GPC5: variants seen among roughly 807,000 people sequenced by gnomAD.
GPC5 encodes the protein glypican-5.
Under a neutral mutation model 53.9 loss-of-function variants are expected in GPC5, and 47 were observed. The ratio of observed to expected loss-of-function variants is 0.87; its 90% CI spans 0.69 to 1.11. The LOEUF is 1.11. Among genes scored for constraint, GPC5 ranks in the 50% most tolerant of loss-of-function variants. The probability of loss-of-function intolerance (pLI) is 0.00; values close to 1 mark genes in which losing one functional copy is unlikely to be tolerated. For missense variants in GPC5, 748 were observed against 713.1 expected (o/e 1.05, Z -0.56); for synonymous variants, 286 against 263.3 (o/e 1.09, Z -0.84).
At chr13:92,032,362 A>T (rs2040859262) in intron 6 of GPC5, among the ~76,000 whole-genome samples, 1 of 151,620 alleles carries the variant, frequency 6.6e-6, no homozygotes, top group African/African-American at 2.4e-5. Context: ...TGGATGCACC[A>T]AAATCTTAGA....
At chr13:92,569,972 G>T (rs976573115) in intron 7 of GPC5, among the ~76,000 whole-genome samples, 2 of 151,862 alleles carry the variant, frequency 1.3e-5, no homozygotes, top group Admixed American at 1.3e-4. Context: ...TTTAATTCTT[G>T]TCCTCGTTTG....
chr13:92,557,342 T>C (rs1431589241), intron 7 of GPC5, among the ~76,000 whole-genome samples: 4 of 152,104 alleles, frequency 2.6e-5, no homozygotes, highest in Non-Finnish European at 5.9e-5. Context: ...GATTCTTTAG[T>C]AGGAGTTTGG....
At chr13:91,983,644 G>A (rs909287934) in intron 6 of GPC5, among the ~76,000 whole-genome samples, 4 of 152,146 alleles carry the variant, frequency 2.6e-5, no homozygotes, top group Non-Finnish European at 5.9e-5. Context: ...TCAAATTGCA[G>A]CATTTTCTAA....
chr13:92,533,988 A>G (rs1475652634), intron 7 of GPC5, among the ~76,000 whole-genome samples: 2 of 152,166 alleles, frequency 1.3e-5, no homozygotes, highest in African/African-American at 4.8e-5. Context: ...GGGCGCTGAT[A>G]CTAAATGACA....
intron 7 of GPC5, among the ~76,000 whole-genome samples, chr13:92,516,216 C>T (rs1049400182): frequency 1.3e-5 from 2 of 151,300 alleles, no homozygotes; most frequent in African/African-American, 4.9e-5. Context: ...GCACTGAGTA[C>T]TGTGGGAGAA....
chr13:92,666,308 T>C (rs750916784), intron 7 of GPC5, among the ~76,000 whole-genome samples: 1 of 152,158 alleles, frequency 6.6e-6, no homozygotes, highest in Non-Finnish European at 1.5e-5. Context: ...TTGTAAATGA[T>C]ACATAGCCAC....
chr13:91,644,484 C>G (rs543684010), intron 2 of GPC5, among the ~76,000 whole-genome samples: 1 of 152,158 alleles, frequency 6.6e-6, no homozygotes, highest in Admixed American at 6.5e-5. Flanking sequence ...AGGTATTTCT[C>G]TACTTGTTAA....
At chr13:91,405,776 A>AT (rs899765541) in intron 1 of GPC5, among the ~76,000 whole-genome samples, 1 of 152,104 alleles carries the variant, frequency 6.6e-6, no homozygotes, top group Non-Finnish European at 1.5e-5. Flanking sequence ...ACCTATTGAA[A>AT]TTTTTTGTTG....
At chr13:92,258,496 T>A (rs1216428702) in intron 7 of GPC5, among the ~76,000 whole-genome samples, 1 of 152,222 alleles carries the variant, frequency 6.6e-6, no homozygotes, top group East Asian at 1.9e-4. Flanking sequence ...CTAGTCAGTG[T>A]GTTAATATCA....
chr13:92,183,670 AC>A (rs1204095054), intron 7 of GPC5, among the ~76,000 whole-genome samples: 1 of 152,132 alleles, frequency 6.6e-6, no homozygotes, highest in African/African-American at 2.4e-5. Flanking sequence ...AAGGAATCAT[AC>A]CATATTTATA....
chr13:92,712,464 C>A (rs374640036), intron 7 of GPC5, among the ~76,000 whole-genome samples: 18 of 149,024 alleles, frequency 1.2e-4, no homozygotes, highest in Non-Finnish European at 1.5e-4. Context: ...AACAAACAAA[C>A]AAAAAAAAAA....
At chr13:91,575,829 T>C (rs2032111498) in intron 2 of GPC5, among the ~76,000 whole-genome samples, 1 of 152,172 alleles carries the variant, frequency 6.6e-6, no homozygotes, top group Non-Finnish European at 1.5e-5. Context: ...TAACCATACA[T>C]TTAAAAAACT....
chr13:91,581,214 G>A (rs567630916), intron 2 of GPC5, among the ~76,000 whole-genome samples: 41 of 152,166 alleles, frequency 2.7e-4, no homozygotes, highest in Non-Finnish European at 7.3e-5. Context: ...GTGTCTATGT[G>A]TGTGTCCAGT....
At chr13:92,621,465 C>G (rs1284158045) in intron 7 of GPC5, among the ~76,000 whole-genome samples, 2 of 152,148 alleles carry the variant, frequency 1.3e-5, no homozygotes, top group Non-Finnish European at 2.9e-5. Context: ...ATCTAGCCCA[C>G]AGAAAACGTG....
intron 6 of GPC5, among the ~76,000 whole-genome samples, chr13:92,090,489 G>A (rs2041371288): frequency 1.3e-5 from 2 of 152,130 alleles, no homozygotes; most frequent in Non-Finnish European, 2.9e-5. Context: ...GGCAATTCAT[G>A]AATCAAGAAG....
intron 2 of GPC5, among the ~76,000 whole-genome samples, chr13:91,465,452 GTAC>G (rs1481193465): frequency 4.6e-5 from 7 of 152,010 alleles, no homozygotes; most frequent in Non-Finnish European, 8.8e-5. Context: ...TTCCACTTAA[GTAC>G]TACAGTTTTT....
At chr13:92,088,829 T>C (rs1369222232) in intron 6 of GPC5, among the ~76,000 whole-genome samples, 1 of 152,348 alleles carries the variant, frequency 6.6e-6, no homozygotes, top group East Asian at 1.9e-4. Flanking sequence ...CAAAGTGACC[T>C]TTAAGAGTCA....
chr13:92,075,335 G>A (rs2041244273), intron 6 of GPC5, among the ~76,000 whole-genome samples: 1 of 152,148 alleles, frequency 6.6e-6, no homozygotes, highest in Admixed American at 6.5e-5. Flanking sequence ...AGGATAATTA[G>A]AGAGGTACTC....
At position 92,162,957 on chromosome 13, in the gene GPC5, T is replaced by A. The variant is rs6492588; in HGVS notation, c.1561+17968T>A. Among the ~76,000 whole-genome samples the A allele has an allele frequency of 6.3e-3, 955 of 152,190 alleles. 11 individuals are homozygous for A. Among genetic ancestry groups the A allele is most frequent in the African/African-American group, 0.02 (839 of 41,538 alleles). ...TATAATTACACTGAATTTAGCTGAT[T>A]TTTTCATAGACTATGAGCTTCTAAA... On this transcript the variant is annotated intron_variant, in intron 7 of 7. Coordinates refer to ENST00000377067, the MANE Select transcript of GPC5 (RefSeq NM_004466.6).
Sources: gnomAD v4.1 joint callset for allele counts (sites outside exome capture counted in the v4.1 genomes callset) on GRCh38, gnomAD v4.1.1 for gene constraint, MANE v1.5 for transcripts, NCBI Gene and HGNC (gene_info 2026-07-23, HGNC 2026-07-21) for gene names.